The following ATXN8OS variants were observed in gnomAD, a reference collection of about 807,000 sequenced individuals.
The protein encoded by ATXN8OS is ATXN8 opposite strand lncRNA.
chr13:70,108,052 G>A (rs1451236189), intron 1 of ATXN8OS: 4 of 425,014 alleles, frequency 9.4e-6, no homozygotes, highest in Non-Finnish European at 1.7e-5. Flanking sequence ...GATGCGCGAG[G>A]GAGGGAGGTC....
intron 4 of ATXN8OS, among the ~76,000 whole-genome samples, chr13:70,159,380 C>T (rs983084102): frequency 6.6e-6 from 1 of 151,838 alleles, no homozygotes; most frequent in East Asian, 1.9e-4. Context: ...TGTTGAGGAC[C>T]TTTAGTATAC....
intron 3 of ATXN8OS, among the ~76,000 whole-genome samples, chr13:70,138,630 T>C (rs1483247382): frequency 2.6e-5 from 4 of 152,100 alleles, no homozygotes; most frequent in African/African-American, 9.7e-5. Context: ...TTTCAATATT[T>C]AGCTGTTAAA....
intron 4 of ATXN8OS, among the ~76,000 whole-genome samples, chr13:70,168,321 G>A (rs1289317342): frequency 6.6e-6 from 1 of 152,024 alleles, no homozygotes; most frequent in African/African-American, 2.4e-5. Flanking sequence ...GGGGATTCAG[G>A]TTATCTATCA....
At chr13:70,121,829 C>T (rs1233714232) in intron 2 of ATXN8OS, among the ~76,000 whole-genome samples, 1 of 151,620 alleles carries the variant, frequency 6.6e-6, no homozygotes, top group Non-Finnish European at 1.5e-5. Flanking sequence ...AAGCAGCACA[C>T]CATGGGAAAA....
At chr13:70,137,062 A>C (rs1448990283) in intron 3 of ATXN8OS, among the ~76,000 whole-genome samples, 3 of 152,188 alleles carry the variant, frequency 2.0e-5, no homozygotes, top group Non-Finnish European at 4.4e-5. Flanking sequence ...AAGTTCCTTG[A>C]AGATCAACAA....
chr13:70,129,463 T>G (rs971885781), intron 2 of ATXN8OS, among the ~76,000 whole-genome samples: 1 of 151,956 alleles, frequency 6.6e-6, no homozygotes, highest in Admixed American at 6.6e-5. Flanking sequence ...TTGGATACAC[T>G]CAGGCTTTCT....
intron 4 of ATXN8OS, among the ~76,000 whole-genome samples, chr13:70,163,507 T>C (rs947672645): frequency 6.6e-6 from 1 of 152,060 alleles, no homozygotes. Flanking sequence ...CTACCCTTGA[T>C]AGACTTACAT....
At chr13:70,109,152 A>C (rs754550148) in intron 1 of ATXN8OS, among the ~76,000 whole-genome samples, 1 of 152,270 alleles carries the variant, frequency 6.6e-6, no homozygotes, top group African/African-American at 2.4e-5. Context: ...ATAAATGAGA[A>C]TAGCCGAAGG....
chr13:70,168,325 T>C (rs1889102427), intron 4 of ATXN8OS, among the ~76,000 whole-genome samples: 2 of 152,122 alleles, frequency 1.3e-5, no homozygotes, highest in Admixed American at 6.6e-5. Context: ...ATTCAGGTTA[T>C]CTATCACCTG....
intron 3 of ATXN8OS, among the ~76,000 whole-genome samples, chr13:70,142,292 G>T (rs9564659): frequency 0.29 from 43,627 of 152,022 alleles, 6,837 homozygotes; most frequent in Middle Eastern, 0.5. Context: ...TATAACTTGG[G>T]GTTATGAGTC....
At chr13:70,148,591 C>A (rs938581697) in intron 4 of ATXN8OS, among the ~76,000 whole-genome samples, 2 of 151,992 alleles carry the variant, frequency 1.3e-5, no homozygotes, top group Non-Finnish European at 2.9e-5. Context: ...AATTTAGATT[C>A]ATAAATAAAA....
At chr13:70,123,482 C>T (rs542405303) in intron 2 of ATXN8OS, among the ~76,000 whole-genome samples, 10 of 152,158 alleles carry the variant, frequency 6.6e-5, no homozygotes, top group African/African-American at 7.2e-5. Flanking sequence ...TATGTTCCTA[C>T]GACATAGCCT....
intron 4 of ATXN8OS, among the ~76,000 whole-genome samples, chr13:70,150,955 TA>T (rs1888857408): frequency 1.3e-5 from 2 of 152,118 alleles, no homozygotes; most frequent in Non-Finnish European, 2.9e-5. Context: ...ATTGGCACTA[TA>T]TTTTTTTAAA....
chr13:70,117,719 C>T lies in ATXN8OS; in HGVS notation n.398+2421C>T, dbSNP rs79901004. On this transcript the variant is annotated intron_variant and non_coding_transcript_variant, in intron 2 of 4. Transcript: ENST00000678624. The stretch of plus-strand genomic sequence containing the variant: ...CTTTGAGTCTCAGCTTTCTTATCTG[C>T]AAAATAGAAGTTAACGTGTAGGTCA... Among the ~76,000 whole-genome samples, 699 of 152,010 alleles carry T rather than the reference C, an allele frequency of 4.6e-3. 6 individuals are homozygous for T. Among genetic ancestry groups the T allele is most frequent in the African/African-American group, 0.016 (670 of 41,486 alleles).
At chr13:70,166,331 G>A (rs1398593227) in intron 4 of ATXN8OS, among the ~76,000 whole-genome samples, 2 of 151,936 alleles carry the variant, frequency 1.3e-5, no homozygotes, top group African/African-American at 4.8e-5. Flanking sequence ...TAGACCAATG[G>A]AACAGAACAG....
At chr13:70,157,059 A>G (rs1334724003) in intron 4 of ATXN8OS, among the ~76,000 whole-genome samples, 1 of 152,234 alleles carries the variant, frequency 6.6e-6, no homozygotes. Flanking sequence ...TGTCACTTTA[A>G]TAAACCAATG....
chr13:70,144,879 A>T (rs1310167871), intron 3 of ATXN8OS, among the ~76,000 whole-genome samples: 2 of 152,072 alleles, frequency 1.3e-5, no homozygotes, highest in Non-Finnish European at 2.9e-5. Flanking sequence ...AGGGTATAGT[A>T]TTGCCTTGTT....
exon 5 of ATXN8OS, among the ~76,000 whole-genome samples, chr13:70,170,713 A>C (rs1593781625): frequency 6.6e-6 from 1 of 152,290 alleles, no homozygotes; most frequent in East Asian, 1.9e-4. Context: ...TACATATAAA[A>C]TGAATACAAT....
chr13:70,131,524 A>G (rs756761696), intron 3 of ATXN8OS: 3 of 398,320 alleles, frequency 7.5e-6, no homozygotes, highest in Non-Finnish European at 1.3e-5. Flanking sequence ...TATTCCTGTA[A>G]TTAAATATTA....
Sources: allele counts gnomAD v4.1 joint callset (sites outside exome capture counted in the v4.1 genomes callset), GRCh38; gene constraint gnomAD v4.1.1; transcripts MANE v1.5; gene names NCBI Gene and HGNC (gene_info 2026-07-23, HGNC 2026-07-21).